Variants in POLDIP3 observed in about 807,000 individuals in gnomAD.
POLDIP3 encodes polymerase delta-interacting protein 3.
In POLDIP3, 14 loss-of-function variants were observed where a neutral mutation model predicts 45.1. The ratio of observed to expected loss-of-function variants is 0.31; its 90% CI spans 0.20 to 0.49. The LOEUF is 0.49. Ranked by LOEUF, POLDIP3 falls within the 20% of genes least tolerant of loss-of-function variation. The pLI, the probability that POLDIP3 is intolerant of heterozygous loss-of-function variation, is 0.99. For missense variants in POLDIP3, 511 were observed against 538.8 expected, an observed-to-expected ratio of 0.95 and a Z score of 0.51; for synonymous variants, 223 against 205.2, an observed-to-expected ratio of 1.09 and a Z score of -0.74.
At chr22:42,587,414 G>T in intron 8 of POLDIP3, 92 bp downstream of exon 8, 1 of 1,283,072 alleles carries the variant, frequency 7.8e-7, no homozygotes, top group Non-Finnish European at 1.1e-6. Context: ...ATGGGGGGAT[G>T]AAGGGGAGCT....
At chr22:42,586,017 A>T in intron 8 of POLDIP3, 49 bp from the exon 9 acceptor site, 1 of 1,517,978 alleles carries the variant, frequency 6.6e-7, no homozygotes, top group Non-Finnish European at 8.9e-7. Context: ...TTTTCCTTAG[A>T]TGGGGAGGGG....
Position 42,592,375 on chromosome 22 carries a change from AAC to A in POLDIP3, c.892-293_892-292del, listed in dbSNP as rs538980054. Among the ~76,000 whole-genome samples the A allele has an allele frequency of 1.3e-3, 204 of 152,374 alleles. 3 individuals carry two copies. The highest frequency in any genetic ancestry group is 2.9e-3 in the Admixed American group (45 of 15,304). On this transcript the variant is annotated intron_variant, in intron 6 of 8. Transcript: ENST00000252115. ...TCAGTGCCCACCTCAACAGGGATAAAACAGTTATGAAAATTTTCGCAAAGAGC... is the reference window on the plus strand; with the variant it reads ...TCAGTGCCCACCTCAACAGGGATAAAAGTTATGAAAATTTTCGCAAAGAGC...
chr22:42,606,457 T>G (rs1397872496), intron 1 of POLDIP3, among the ~76,000 whole-genome samples: 12 of 151,862 alleles, frequency 7.9e-5, no homozygotes. Context: ...ATAGTGAGAC[T>G]CCATCTCTAT....
chr22:42,608,330 G>C (rs907514122), intron 1 of POLDIP3, among the ~76,000 whole-genome samples: 2 of 146,448 alleles, frequency 1.4e-5, no homozygotes, highest in African/African-American at 5.2e-5. Context: ...GGCCAAGGCA[G>C]GAGGATCAAC....
rs974940862 is a variant in POLDIP3 at position 42,584,683 on chromosome 22, C to A, written c.*1108G>T. On this transcript the variant is annotated 3_prime_UTR_variant, in exon 9 of 9. Coordinates refer to ENST00000252115, the MANE Select transcript of POLDIP3 (RefSeq NM_032311.5). Reference sequence around the variant, plus strand: ...GGAAACACCTTGCCTGGTAGAGCTGCCCTGCTCCCTTGACTCCTCCTCCTC... The same window carrying A: ...GGAAACACCTTGCCTGGTAGAGCTGACCTGCTCCCTTGACTCCTCCTCCTC... The A allele has an allele frequency of 8.4e-6, 3 of 357,366 alleles. No individual in the cohort carries two copies. Among genetic ancestry groups the A allele is most frequent in the African/African-American group, 6.4e-5 (3 of 46,630 alleles). 22.1% of individuals were successfully genotyped at this position (357,366 alleles called of 1,614,324 possible). A position where few individuals can be genotyped will look rare whatever the true frequency, so the allele number is the denominator to read the frequency against.
chr22:42,589,536 G>A (rs1435657301), intron 7 of POLDIP3, among the ~76,000 whole-genome samples: 3 of 151,998 alleles, frequency 2.0e-5, no homozygotes. Context: ...CTCGCCGGGT[G>A]CAGTGGCTCA....
intron 1 of POLDIP3, among the ~76,000 whole-genome samples, chr22:42,605,150 T>G (rs1307586636): frequency 6.6e-6 from 1 of 152,214 alleles, no homozygotes; most frequent in South Asian, 2.1e-4. Flanking sequence ...TTGTTTGAGA[T>G]GGAGTCTTGC....
At chr22:42,610,993 C>G (rs1386480070) in intron 1 of POLDIP3, among the ~76,000 whole-genome samples, 1 of 152,296 alleles carries the variant, frequency 6.6e-6, no homozygotes, top group Non-Finnish European at 1.5e-5. Context: ...CTCTACGGAT[C>G]TTTCACAACT....
rs1042316223 is a variant in POLDIP3 at position 42,586,967 on chromosome 22, G to T, written c.1088+539C>A. On this transcript the variant is annotated intron_variant, in intron 8 of 8. Coordinates refer to ENST00000252115, the MANE Select transcript of POLDIP3 (RefSeq NM_032311.5). ...GTACTTAAAAGCCAAATCCAGCTGG[G>T]CGTGATGGTGTGCGCCTATAGTCCC... Among the ~76,000 whole-genome samples, 195 of 152,306 alleles carry T rather than the reference G, an allele frequency of 1.3e-3. 1 individual carries two copies. The highest frequency in any genetic ancestry group is 4.6e-3 in the African/African-American group (191 of 41,558).
chr22:42,606,845 A>G (rs988070549), intron 1 of POLDIP3, among the ~76,000 whole-genome samples: 1 of 152,244 alleles, frequency 6.6e-6, no homozygotes, highest in South Asian at 2.1e-4. Flanking sequence ...GAGATTAACT[A>G]TCCCAAGAGC....
At chr22:42,594,532 A>C (rs913933249) in intron 6 of POLDIP3, among the ~76,000 whole-genome samples, 2 of 152,166 alleles carry the variant, frequency 1.3e-5, no homozygotes, top group African/African-American at 4.8e-5. Flanking sequence ...AAAACAAAAC[A>C]AAAAGATTTA....
intron 1 of POLDIP3, among the ~76,000 whole-genome samples, chr22:42,608,036 G>A (rs1024060172): frequency 8.6e-5 from 13 of 152,038 alleles, no homozygotes; most frequent in African/African-American, 2.2e-4. Context: ...CCCTCTGCCC[G>A]GCCGCCACCC....
At chr22:42,587,605 A>AT (rs770808307) in intron 7 of POLDIP3, 33 bp from the exon 8 acceptor site, 5 of 1,589,258 alleles carry the variant, frequency 3.1e-6, no homozygotes, top group Admixed American at 3.3e-5. Flanking sequence ...AGGCTCTGCT[A>AT]TGAGACCTCG....
intron 6 of POLDIP3, among the ~76,000 whole-genome samples, chr22:42,594,775 G>A (rs1307577405): frequency 2.6e-5 from 4 of 152,220 alleles, no homozygotes; most frequent in Non-Finnish European, 5.9e-5. Flanking sequence ...CCATGGGTGG[G>A]ACGGGATGGA....
intron 1 of POLDIP3, among the ~76,000 whole-genome samples, chr22:42,605,404 G>T (rs1926660699): frequency 6.6e-6 from 1 of 152,258 alleles, no homozygotes; most frequent in Admixed American, 6.5e-5. Flanking sequence ...ACGATTACAG[G>T]CGTGAGCCAC....
chr22:42,584,864 G>T lies in POLDIP3; in HGVS notation c.*927C>A, dbSNP rs1925193623. ...ACTGAGGCCAGAAATGGAGAGCCAGGAACAAACTGACCTCTTCCATTCAAA... is the reference window on the plus strand; with the variant it reads ...ACTGAGGCCAGAAATGGAGAGCCAGTAACAAACTGACCTCTTCCATTCAAA... On this transcript the variant is annotated 3_prime_UTR_variant, in exon 9 of 9. Coordinates refer to ENST00000252115, the MANE Select transcript of POLDIP3 (RefSeq NM_032311.5). The T allele has an allele frequency of 2.2e-6, 1 of 456,076 alleles. No individual in the cohort carries two copies. The highest frequency in any genetic ancestry group is 1.5e-5 in the South Asian group (1 of 64,556). 28.3% of individuals were successfully genotyped at this position (456,076 alleles called of 1,614,324 possible).
rs1048998737 is a variant in POLDIP3, at chr22:42,596,051, G to A, written c.813+135C>T. 9.6e-6 allele frequency: 9 copies of A among 940,058 alleles called. No individual in the cohort carries two copies. The African/African-American group carries it at 1.5e-4, about 16-fold the overall frequency. 58.2% of individuals were successfully genotyped at this position (940,058 alleles called of 1,614,324 possible). On this transcript the variant is annotated intron_variant, in intron 5 of 8. Transcript: ENST00000252115. ...AGGTCTTTGAGGGTAAGAGTCCCTAGGTCTTGGTTTGCTCATCTGTAGAAT... is the reference window on the plus strand; with the variant it reads ...AGGTCTTTGAGGGTAAGAGTCCCTAAGTCTTGGTTTGCTCATCTGTAGAAT...
intron 3 of POLDIP3, among the ~76,000 whole-genome samples, chr22:42,600,498 C>A (rs1926287883): frequency 6.6e-6 from 1 of 151,930 alleles, no homozygotes. Flanking sequence ...TGGTGGCATG[C>A]GCCTGTAGTC....
At chr22:42,604,155 C>T (rs1041702009) in intron 1 of POLDIP3, among the ~76,000 whole-genome samples, 3 of 152,202 alleles carry the variant, frequency 2.0e-5, no homozygotes, top group South Asian at 2.1e-4. Flanking sequence ...ATGCGGCAGA[C>T]GCTCTGCCTG....
Sources: gnomAD v4.1 joint callset for allele counts (sites outside exome capture counted in the v4.1 genomes callset) on GRCh38, gnomAD v4.1.1 for gene constraint, MANE v1.5 for transcripts, NCBI Gene and HGNC (gene_info 2026-07-23, HGNC 2026-07-21) for gene names.